The following PISD variants were observed in gnomAD, a reference collection of about 807,000 sequenced individuals.
PISD encodes phosphatidylserine decarboxylase.
PISD carries 31 observed loss-of-function variants against 43.5 expected under a neutral mutation model. That is an observed-to-expected ratio of 0.71 (90% confidence interval 0.54 to 0.96). The LOEUF is 0.96. Ranked by LOEUF, PISD falls within the 40% of genes least tolerant of loss-of-function variation. PISD has a pLI of 0.00. For missense variants in PISD, 523 were observed against 548.4 expected (o/e 0.95, Z 0.46); for synonymous variants, 259 against 228.7 (o/e 1.13, Z -1.20).
Position 31,648,276 on chromosome 22 carries a change from T to C in PISD, c.146A>G (p.Asp49Gly). 2 of 1,601,538 alleles carry C rather than the reference T, an allele frequency of 1.2e-6. No individual in the cohort carries two copies. The change falls in exon 3 of 8, where the codon GAT becomes GGT. Residue 49 changes from aspartate to glycine, a missense_variant and splice_region_variant. By Grantham distance (94) the Asp-to-Gly change is moderately conservative (BLOSUM62 -1). Coordinates refer to ENST00000439502, the MANE Select transcript of PISD (RefSeq NM_001326411.2). ...RKLPFRAFRT[D>G]ARKIHTAPAR... ...AGGGGCAGTGTGGATTTTTCTGGCA[T>C]CTGTAATAAAAAACAGGACAATTTC...
intron 3 of PISD, among the ~76,000 whole-genome samples, chr22:31,624,654 GACAC>G (rs769817542): frequency 0.068 from 9,063 of 132,572 alleles, 320 homozygotes; most frequent in Middle Eastern, 0.12. Context: ...TGCACAGACA[GACAC>G]ACACACACAC....
chr22:31,648,459 C>T (rs1410864851), intron 2 of PISD, among the ~76,000 whole-genome samples, 183 bp from the exon 3 acceptor site: 1 of 151,960 alleles, frequency 6.6e-6, no homozygotes, highest in East Asian at 1.9e-4. Flanking sequence ...AGGCGGATCA[C>T]GAGGTCAGGA....
At chr22:31,635,598 A>C (rs2073405421) in intron 3 of PISD, among the ~76,000 whole-genome samples, 1 of 152,154 alleles carries the variant, frequency 6.6e-6, no homozygotes, top group Admixed American at 6.5e-5. Flanking sequence ...TGCCCCGCTG[A>C]GTTCCACATA....
chr22:31,647,820 C>T (rs753811993), intron 3 of PISD, among the ~76,000 whole-genome samples: 6 of 152,158 alleles, frequency 3.9e-5, no homozygotes, highest in African/African-American at 4.8e-5. Context: ...GCAGAACAGC[C>T]AGGATGTCAG....
intron 1 of PISD, 124 bp downstream of exon 1, chr22:31,662,020 G>T (rs988025810): frequency 2.4e-6 from 2 of 820,102 alleles, no homozygotes; most frequent in Admixed American, 3.8e-5. Context: ...TCGAGGTGAA[G>T]GTGGCTCCGT....
Position 31,624,551 on chromosome 22 carries a change from A to G in PISD, c.322-2666T>C, listed in dbSNP as rs184879702. On this transcript the variant is annotated intron_variant, in intron 3 of 7. Coordinates refer to ENST00000439502, the MANE Select transcript of PISD (RefSeq NM_001326411.2). ...CTCCATCCATCTGCATGGTCTTTCTATAACAGGCCAGGTTCTGAAAACCCA... is the reference window on the plus strand; with the variant it reads ...CTCCATCCATCTGCATGGTCTTTCTGTAACAGGCCAGGTTCTGAAAACCCA... Among the ~76,000 whole-genome samples the G allele has an allele frequency of 2.9e-3, 434 of 152,090 alleles. 1 individual carries two copies. The highest frequency in any genetic ancestry group is 5.2e-3 in the Non-Finnish European group (351 of 67,982).
rs41282571 is a variant in PISD, at chr22:31,619,780, G to A, written c.1062C>T (p.Phe354=). The A allele has an allele frequency of 0.032, 52,146 of 1,614,148 alleles. 1,022 individuals carry two copies. Among genetic ancestry groups the A allele is most frequent in the South Asian group, 0.061 (5,514 of 91,078 alleles). ...CGCCCTCTCTATTGGTGTGCGTCAC[G>A]AAGCTGAAGTCATTGTAGGAGCCCT... is the stretch of plus-strand genomic sequence containing the variant. ...HSKGSYNDFS[F]VTHTNREGVP... Residue 354 remains phenylalanine, a synonymous_variant, in exon 8 of 8, where the codon TTC becomes TTT. Transcript: ENST00000439502.
At chr22:31,656,845 C>T (rs140747496) in intron 1 of PISD, among the ~76,000 whole-genome samples, 1,607 of 152,144 alleles carry the variant, frequency 0.011, 8 homozygotes, top group Middle Eastern at 0.031. Flanking sequence ...GGGCACACCC[C>T]TCTCCTATGT....
rs946036911 is a variant in PISD at position 31,632,224 on chromosome 22, C to T, written c.322-10339G>A. Reference sequence around the variant, plus strand: ...CAAGTGCCACATGACAAGCCACAGCCCTGGGATGCGGCAGGGGGAAGAAGA... The same window carrying T: ...CAAGTGCCACATGACAAGCCACAGCTCTGGGATGCGGCAGGGGGAAGAAGA... On this transcript the variant is annotated intron_variant, in intron 3 of 7. Transcript: ENST00000439502. The T allele has an allele frequency of 1.1e-4, 110 of 985,296 alleles. No individual in the cohort carries two copies. The Admixed American group carries it at 2.5e-3, about 23-fold the overall frequency. The allele number at this position is 985,296 out of a possible 1,614,324, so 61.0% of individuals were successfully genotyped here.
At chr22:31,622,145 C>T (rs1471406372) in intron 3 of PISD, among the ~76,000 whole-genome samples, 1 of 152,248 alleles carries the variant, frequency 6.6e-6, no homozygotes, top group Non-Finnish European at 1.5e-5. Flanking sequence ...ATAGCAACTG[C>T]TCCAGTCCCA....
chr22:31,629,648 G>C (rs1191058741), intron 3 of PISD: 1 of 151,706 alleles, frequency 6.6e-6, no homozygotes, highest in Non-Finnish European at 1.5e-5. Context: ...GTGCATGAGG[G>C]TGTGTGTAGG....
rs2072490635 is a variant in PISD, at chr22:31,620,500, T to C, written c.1005+53A>G. 9 of 1,574,930 alleles carry C rather than the reference T, an allele frequency of 5.7e-6. No individual in the cohort carries two copies. In the African/African-American group the frequency reaches 8.1e-5, roughly 14 times the overall value. On this transcript the variant is annotated intron_variant, in intron 7 of 7. Coordinates refer to ENST00000439502, the MANE Select transcript of PISD (RefSeq NM_001326411.2). ...TCCGCCGCACAGCAGACAAGGCAGGTAGACCCAAGAGGTCTGGCCCTTGGG... is the reference window on the plus strand; with the variant it reads ...TCCGCCGCACAGCAGACAAGGCAGGCAGACCCAAGAGGTCTGGCCCTTGGG...
intron 3 of PISD, among the ~76,000 whole-genome samples, chr22:31,640,575 G>GTTTTTTTTTTTTTTT (rs759964791): frequency 2.2e-5 from 2 of 91,254 alleles, no homozygotes; most frequent in African/African-American, 4.5e-5. Flanking sequence ...CGGTTTGGTT[G>GTTTTTTTTTTTTTTT]TTTTTTTTTT....
chr22:31,655,912 C>G (rs564357759), intron 1 of PISD, among the ~76,000 whole-genome samples: 3 of 152,254 alleles, frequency 2.0e-5, no homozygotes, highest in Non-Finnish European at 4.4e-5. Flanking sequence ...GTTGGGATTA[C>G]AGGCATGAGC....
intron 3 of PISD, chr22:31,638,275 C>T: frequency 1.6e-6 from 1 of 611,866 alleles, no homozygotes; most frequent in African/African-American, 2.0e-5. Flanking sequence ...AGATGTGGGG[C>T]AGGTCCAGTC....
chr22:31,657,674 C>T (rs1268764036), intron 1 of PISD, among the ~76,000 whole-genome samples: 2 of 152,072 alleles, frequency 1.3e-5, no homozygotes, highest in Admixed American at 1.3e-4. Context: ...AGGAGCACAC[C>T]ACCACACCCG....
intron 3 of PISD, among the ~76,000 whole-genome samples, chr22:31,624,190 G>A (rs1198691047): frequency 6.6e-6 from 1 of 152,168 alleles, no homozygotes. Context: ...CCCAGCAAGG[G>A]CCTCCAGGCC....
intron 3 of PISD, among the ~76,000 whole-genome samples, chr22:31,637,130 ATAAT>A (rs1569486969): frequency 4.3e-4 from 47 of 108,226 alleles, no homozygotes; most frequent in African/African-American, 1.6e-3. Context: ...AAAAAAAATA[ATAAT>A]AAATAAATTA....
chr22:31,652,421 G>A (rs989228727), intron 1 of PISD, among the ~76,000 whole-genome samples: 3 of 151,966 alleles, frequency 2.0e-5, no homozygotes, highest in Non-Finnish European at 4.4e-5. Context: ...GTGAGCCACA[G>A]CACTTGGCCC....
Sources: allele counts gnomAD v4.1 joint callset (sites outside exome capture counted in the v4.1 genomes callset), GRCh38; gene constraint gnomAD v4.1.1; transcripts MANE v1.5; gene names NCBI Gene and HGNC (gene_info 2026-07-23, HGNC 2026-07-21).